INPP4B: variants seen among roughly 807,000 people sequenced by gnomAD.
INPP4B encodes inositol polyphosphate 4-phosphatase type II.
In INPP4B, 55 loss-of-function variants were observed where a neutral mutation model predicts 122.5. That is an observed-to-expected ratio of 0.45 (90% CI 0.36 to 0.56). The LOEUF (loss-of-function observed/expected upper bound fraction) is 0.56, where lower values mean the gene tolerates loss of function less well. INPP4B is among the 20% of genes least tolerant of loss of function. The pLI is 0.00. For missense variants in INPP4B, 1,000 were observed against 1,097.7 expected, an observed-to-expected ratio of 0.91 and a Z score of 1.26; for synonymous variants, 403 against 388.7, an observed-to-expected ratio of 1.04 and a Z score of -0.43.
At chr4:142,840,105 A>T (rs1001247710) in intron 1 of INPP4B, among the ~76,000 whole-genome samples, 1 of 152,174 alleles carries the variant, frequency 6.6e-6, no homozygotes, top group South Asian at 2.1e-4. Context: ...TTGTAAAACA[A>T]GTTTCAGCTG....
chr4:142,137,794 A>G (rs1446120213), intron 18 of INPP4B, among the ~76,000 whole-genome samples: 1 of 151,932 alleles, frequency 6.6e-6, no homozygotes, highest in Non-Finnish European at 1.5e-5. Flanking sequence ...AATGCTCACC[A>G]TCACTGGCCA....
intron 25 of INPP4B, among the ~76,000 whole-genome samples, chr4:142,066,368 T>C (rs1763502913): frequency 6.6e-6 from 1 of 152,180 alleles, no homozygotes; most frequent in South Asian, 2.1e-4. Flanking sequence ...AATGTAACAA[T>C]ATCCTTACAC....
chr4:142,506,631 G>C (rs1238349045), intron 2 of INPP4B, among the ~76,000 whole-genome samples: 1 of 152,158 alleles, frequency 6.6e-6, no homozygotes, highest in Non-Finnish European at 1.5e-5. Context: ...AGGAACACAA[G>C]AGCGAAGTGG....
At chr4:142,596,485 G>A (rs1738717469) in intron 2 of INPP4B, among the ~76,000 whole-genome samples, 1 of 152,096 alleles carries the variant, frequency 6.6e-6, no homozygotes, top group East Asian at 1.9e-4. Flanking sequence ...GAGTGACTGG[G>A]CCCAGGTAAG....
At chr4:142,275,486 T>A (rs28397201) in intron 9 of INPP4B, among the ~76,000 whole-genome samples, 1 of 151,644 alleles carries the variant, frequency 6.6e-6, no homozygotes, top group African/African-American at 2.4e-5. Context: ...TAAGCAGAAA[T>A]GAAAATCTCA....
chr4:142,840,177 G>C (rs1201683123), intron 1 of INPP4B, among the ~76,000 whole-genome samples: 1 of 152,094 alleles, frequency 6.6e-6, no homozygotes, highest in Non-Finnish European at 1.5e-5. Flanking sequence ...TGGTGACCGG[G>C]TCATCACTAT....
At chr4:142,060,339 A>C (rs1054682161) in intron 25 of INPP4B, among the ~76,000 whole-genome samples, 2 of 152,280 alleles carry the variant, frequency 1.3e-5, no homozygotes, top group African/African-American at 4.8e-5. Flanking sequence ...AATTAGAATA[A>C]AAATGTATTC....
chr4:142,392,800 T>C (rs1798167098), intron 7 of INPP4B, among the ~76,000 whole-genome samples: 1 of 152,238 alleles, frequency 6.6e-6, no homozygotes, highest in Non-Finnish European at 1.5e-5. Context: ...CTGACAATTA[T>C]GACCTACGGA....
chr4:142,393,708 T>C (rs1016220783), intron 7 of INPP4B, among the ~76,000 whole-genome samples: 10 of 152,334 alleles, frequency 6.6e-5, no homozygotes, highest in Admixed American at 3.9e-4. Flanking sequence ...TAGCTGAGTC[T>C]TGGCCAATCC....
intron 21 of INPP4B, among the ~76,000 whole-genome samples, chr4:142,119,794 T>C (rs1176464684): frequency 1.1e-4 from 2 of 18,210 alleles, no homozygotes; most frequent in Non-Finnish European, 1.3e-3. Flanking sequence ...TTAAAGTATA[T>C]ATACACACAC....
intron 14 of INPP4B, among the ~76,000 whole-genome samples, chr4:142,200,385 C>T (rs928591292): frequency 1.4e-4 from 21 of 151,852 alleles, no homozygotes; most frequent in African/African-American, 4.3e-4. Context: ...AACCTTGATC[C>T]TTTTCATTAG....
intron 25 of INPP4B, among the ~76,000 whole-genome samples, chr4:142,056,986 C>G (rs745762988): frequency 6.6e-6 from 1 of 152,088 alleles, no homozygotes; most frequent in Non-Finnish European, 1.5e-5. Context: ...CGAGTTTTCA[C>G]CCTTCATCTG....
At chr4:142,112,768 G>A in intron 21 of INPP4B, 86 bp from the exon 22 acceptor site, 1 of 1,322,220 alleles carries the variant, frequency 7.6e-7, no homozygotes, top group Non-Finnish European at 1.0e-6. Flanking sequence ...CATTAAAAGG[G>A]TTGGAATATA....
intron 1 of INPP4B, among the ~76,000 whole-genome samples, chr4:142,746,205 C>T (rs1264748873): frequency 6.6e-6 from 1 of 151,850 alleles, no homozygotes; most frequent in East Asian, 1.9e-4. Flanking sequence ...GAAAATAAAC[C>T]TCAAACATTC....
Position 142,460,315 on chromosome 4 carries a change from C to T in INPP4B, c.-127+2348G>A, listed in dbSNP as rs73850890. 4.3e-3 allele frequency among the ~76,000 whole-genome samples: 662 copies of T among 152,186 alleles called. 7 individuals are homozygous for T. The highest frequency in any genetic ancestry group is 0.015 in the African/African-American group (609 of 41,542). The stretch of plus-strand genomic sequence containing the variant: ...GCTTTTATTCTGAGAAAAATATAAT[C>T]GCTGAAAACAATAATTTACAGATTA... On this transcript the variant is annotated intron_variant, in intron 3 of 25. Coordinates refer to ENST00000262992, the MANE Select transcript of INPP4B (RefSeq NM_001101669.3).
intron 7 of INPP4B, among the ~76,000 whole-genome samples, chr4:142,383,083 A>G (rs1298865470): frequency 1.3e-5 from 2 of 151,990 alleles, no homozygotes; most frequent in African/African-American, 4.8e-5. Flanking sequence ...AACAAAATGG[A>G]TTGTGTTGAT....
chr4:142,089,950 T>G (rs865787754), intron 23 of INPP4B, among the ~76,000 whole-genome samples: 1 of 152,174 alleles, frequency 6.6e-6, no homozygotes, highest in Non-Finnish European at 1.5e-5. Context: ...GTCTCTTAAC[T>G]GCTGTACCAG....
chr4:142,705,790 A>G (rs1762405093), intron 2 of INPP4B, among the ~76,000 whole-genome samples: 1 of 152,236 alleles, frequency 6.6e-6, no homozygotes. Context: ...GAGATAATGT[A>G]CAAGGTTTTG....
chr4:142,073,994 T>G (rs903774075), intron 25 of INPP4B, among the ~76,000 whole-genome samples: 9 of 151,932 alleles, frequency 5.9e-5, no homozygotes, highest in Non-Finnish European at 4.4e-5. Context: ...TGGAGCCCTG[T>G]CCCCCTCCCA....
Sources: gnomAD v4.1 joint callset for allele counts (sites outside exome capture counted in the v4.1 genomes callset) on GRCh38, gnomAD v4.1.1 for gene constraint, MANE v1.5 for transcripts, NCBI Gene and HGNC (gene_info 2026-07-23, HGNC 2026-07-21) for gene names.